The following NT5DC3 variants were observed in gnomAD, a reference collection of about 807,000 sequenced individuals.
The protein encoded by NT5DC3 is 5'-nucleotidase domain-containing protein 3.
A neutral mutation model predicts 67.8 loss-of-function variants in NT5DC3; 42 were observed. The observed-to-expected ratio is 0.62, with a 90% CI of 0.48 to 0.80. The LOEUF is 0.80. Ranked by LOEUF, NT5DC3 falls within the 30% of genes least tolerant of loss-of-function variation. NT5DC3 has a pLI of 0.00. For missense variants in NT5DC3, 570 were observed against 696.4 expected (o/e 0.82, Z 2.04); for synonymous variants, 237 against 255.6 (o/e 0.93, Z 0.69).
intron 9 of NT5DC3, among the ~76,000 whole-genome samples, chr12:103,791,120 A>G (rs1381906399): frequency 6.6e-6 from 1 of 152,162 alleles, no homozygotes; most frequent in Non-Finnish European, 1.5e-5. Flanking sequence ...AAGGATGAAT[A>G]CAGATGGAGA....
the NT5DC3 span, among the ~76,000 whole-genome samples, chr12:103,757,212 C>T: frequency 2.2e-4 from 34 of 151,816 alleles, no homozygotes; most frequent in Non-Finnish European, 8.8e-5. Flanking sequence ...CCCCAGCCTC[C>T]AGAGCAGCTG....
At chr12:103,831,212 GT>G (rs1446775265) in intron 1 of NT5DC3, among the ~76,000 whole-genome samples, 1 of 152,154 alleles carries the variant, frequency 6.6e-6, no homozygotes, top group Admixed American at 6.5e-5. Context: ...TAGTGAGTGA[GT>G]CTCATGAGAT....
intron 9 of NT5DC3, among the ~76,000 whole-genome samples, chr12:103,789,754 C>T (rs1885958173): frequency 6.6e-6 from 1 of 152,134 alleles, no homozygotes; most frequent in South Asian, 2.1e-4. Context: ...TCATGCCTCA[C>T]CCTGGCAGTG....
intron 2 of NT5DC3, among the ~76,000 whole-genome samples, chr12:103,811,938 T>C (rs1383772177): frequency 6.6e-6 from 1 of 152,022 alleles, no homozygotes; most frequent in Non-Finnish European, 1.5e-5. Context: ...GCCAATGCTT[T>C]GGATATGAAC....
At chr12:103,835,543 C>T (rs1015014387) in intron 1 of NT5DC3, among the ~76,000 whole-genome samples, 1 of 152,164 alleles carries the variant, frequency 6.6e-6, no homozygotes, top group Non-Finnish European at 1.5e-5. Flanking sequence ...TATGGCACCG[C>T]CCTAATCACA....
At chr12:103,749,170 TC>T in the NT5DC3 span, 1 of 1,584,454 alleles carries the variant, frequency 6.3e-7, no homozygotes. Flanking sequence ...AGTCGCTCTT[TC>T]CCAGGGAAAT....
intron 1 of NT5DC3, among the ~76,000 whole-genome samples, chr12:103,824,847 C>T (rs909709495): frequency 2.1e-5 from 3 of 145,662 alleles, no homozygotes; most frequent in African/African-American, 7.5e-5. Flanking sequence ...TAGAATTTTA[C>T]ATCAGTGAGA....
downstream of NT5DC3, chr12:103,766,259 GC>G (rs751955779): frequency 1.9e-6 from 3 of 1,613,820 alleles, no homozygotes; most frequent in African/African-American, 2.7e-5. Context: ...AGAATGCCCT[GC>G]CCCCTTACAA....
downstream of NT5DC3, chr12:103,766,388 CTG>C: frequency 5.1e-6 from 8 of 1,564,290 alleles, no homozygotes; most frequent in Non-Finnish European, 6.9e-6. Flanking sequence ...GGGCCATCAA[CTG>C]TGAATTCTCA....
chr12:103,789,862 T>A (rs5001722), intron 9 of NT5DC3, among the ~76,000 whole-genome samples: 58,129 of 152,064 alleles, frequency 0.38, 12,179 homozygotes, highest in East Asian at 0.88. Flanking sequence ...AGAAAAATAC[T>A]ATGAAAAAAA....
At chr12:103,762,836 C>G in the NT5DC3 span, among the ~76,000 whole-genome samples, 1 of 152,246 alleles carries the variant, frequency 6.6e-6, no homozygotes, top group Admixed American at 6.5e-5. Flanking sequence ...TATGCTGCAG[C>G]CAGTGACACT....
At chr12:103,804,068 T>C (rs535576117) in intron 4 of NT5DC3, among the ~76,000 whole-genome samples, 1 of 152,242 alleles carries the variant, frequency 6.6e-6, no homozygotes, top group South Asian at 2.1e-4. Flanking sequence ...ATAGTTATTT[T>C]GAGGATTGAA....
downstream of NT5DC3, chr12:103,766,298 C>T (rs149173381): frequency 2.9e-4 from 467 of 1,613,972 alleles, 1 homozygote; most frequent in East Asian, 3.3e-4. Flanking sequence ...CTCTGAAGAA[C>T]GGCAGCTTGA....
intron 3 of NT5DC3, 76 bp downstream of exon 3, chr12:103,806,779 G>C: frequency 1.1e-6 from 1 of 951,394 alleles, no homozygotes; most frequent in South Asian, 1.4e-5. Flanking sequence ...TGCCCGTTCA[G>C]TAAAGAAAAG....
intron 1 of NT5DC3, among the ~76,000 whole-genome samples, chr12:103,831,231 T>C (rs1015411497): frequency 1.3e-5 from 2 of 152,294 alleles, no homozygotes; most frequent in South Asian, 4.1e-4. Flanking sequence ...GATCTGATGC[T>C]TTTATAGGCA....
At chr12:103,799,628 T>C (rs953648960) in intron 4 of NT5DC3, among the ~76,000 whole-genome samples, 3 of 152,072 alleles carry the variant, frequency 2.0e-5, no homozygotes, top group Non-Finnish European at 2.9e-5. Context: ...AGAATGGGAA[T>C]TGCCACACCC....
At chr12:103,767,144 A>G (rs887222136), downstream of NT5DC3, among the ~76,000 whole-genome samples, 4 of 151,512 alleles carry the variant, frequency 2.6e-5, no homozygotes, top group African/African-American at 7.4e-5. Context: ...TCTTCACAGT[A>G]GCATTATTCA....
intron 4 of NT5DC3, among the ~76,000 whole-genome samples, chr12:103,800,692 T>G (rs1231417710): frequency 6.6e-6 from 1 of 152,226 alleles, no homozygotes; most frequent in Non-Finnish European, 1.5e-5. Flanking sequence ...CGGCCACATC[T>G]GAATGCAGCC....
At chr12:103,823,731 A>G (rs1048085099) in intron 1 of NT5DC3, among the ~76,000 whole-genome samples, 3 of 152,216 alleles carry the variant, frequency 2.0e-5, no homozygotes, top group African/African-American at 7.2e-5. Context: ...AAGTATACCT[A>G]TGGATTGGAA....
Sources: allele counts gnomAD v4.1 joint callset (sites outside exome capture counted in the v4.1 genomes callset), GRCh38; gene constraint gnomAD v4.1.1; transcripts MANE v1.5; gene names NCBI Gene and HGNC (gene_info 2026-07-23, HGNC 2026-07-21).